Variants in SPC25 observed in about 807,000 individuals in gnomAD.
SPC25 encodes the protein kinetochore protein Spc25.
Under a neutral mutation model 29.6 loss-of-function variants are expected in SPC25, and 22 were observed. The observed-to-expected ratio is 0.74, with a 90% CI of 0.53 to 1.06. SPC25 has a LOEUF of 1.06. Among genes scored for constraint, SPC25 ranks in the 50% least tolerant of loss-of-function variants. The probability of loss-of-function intolerance (pLI) is 0.00; values close to 1 mark genes in which losing one functional copy is unlikely to be tolerated. For missense variants in SPC25, 230 were observed against 255.8 expected, an observed-to-expected ratio of 0.90 and a Z score of 0.69; for synonymous variants, 91 against 90.4, an observed-to-expected ratio of 1.01 and a Z score of -0.04.
intron 3 of SPC25, among the ~76,000 whole-genome samples, chr2:168,886,105 G>A (rs1690257881): frequency 1.4e-5 from 2 of 142,098 alleles, no homozygotes; most frequent in Non-Finnish European, 3.0e-5. Flanking sequence ...CCAGGCTGGA[G>A]TGAAGTGGCA....
At position 168,863,652 on chromosome 2, in the gene SPC25, A is replaced by C. The variant is rs1689631232; in HGVS notation, n.419+9933T>G. ...GGAGTTACATTTTGAATGGGGAGTTACATTTCTGTGCAAAGCTGTGAGTGA... is the reference window on the plus strand; with the variant it reads ...GGAGTTACATTTTGAATGGGGAGTTCCATTTCTGTGCAAAGCTGTGAGTGA... On this transcript the variant is annotated intron_variant and non_coding_transcript_variant, in intron 4 of 4. Transcript: ENST00000479309. 3 of 932,868 alleles carry C rather than the reference A, an allele frequency of 3.2e-6. No homozygotes were observed. In the African/African-American group the frequency reaches 8.0e-5, roughly 25 times the overall value. The allele number at this position is 932,868 out of a possible 1,614,324, so 57.8% of individuals were successfully genotyped here.
At chr2:168,883,313 T>C (rs1690206233) in intron 3 of SPC25, among the ~76,000 whole-genome samples, 1 of 152,184 alleles carries the variant, frequency 6.6e-6, no homozygotes, top group African/African-American at 2.4e-5. Flanking sequence ...TTTTGTTAAA[T>C]ATGGTTCTCA....
rs541332022 is a variant in SPC25 at position 168,873,040 on chromosome 2, C to T, written c.550+545G>A. On this transcript the variant is annotated intron_variant, in intron 6 of 6. Transcript: ENST00000282074. ...TATATTTCTATTCTCTTCTTGTTCACATTATTATCAATGATATATATTCCT... is the reference window on the plus strand; with the variant it reads ...TATATTTCTATTCTCTTCTTGTTCATATTATTATCAATGATATATATTCCT... Among the ~76,000 whole-genome samples, 19 of 152,302 alleles carry T rather than the reference C, an allele frequency of 1.2e-4. No homozygotes were observed. In the South Asian group the frequency reaches 1.7e-3, roughly 13 times the overall value.
At chr2:168,868,867 T>C (rs1301586000), downstream of SPC25, among the ~76,000 whole-genome samples, 1 of 152,202 alleles carries the variant, frequency 6.6e-6, no homozygotes, top group Non-Finnish European at 1.5e-5. Flanking sequence ...GAGGCCAGCA[T>C]CATCCTGATA....
chr2:168,875,884 A>G (rs1210132777), intron 5 of SPC25, among the ~76,000 whole-genome samples, 188 bp downstream of exon 5: 2 of 152,166 alleles, frequency 1.3e-5, no homozygotes, highest in African/African-American at 4.8e-5. Context: ...TTATTAAAAT[A>G]CCGAATGATA....
At chr2:168,886,567 T>G (rs1690267113) in intron 3 of SPC25, among the ~76,000 whole-genome samples, 1 of 151,828 alleles carries the variant, frequency 6.6e-6, no homozygotes, top group Non-Finnish European at 1.5e-5. Flanking sequence ...TCGCCCAGGC[T>G]GCAGTGCAGT....
chr2:168,868,159 G>A (rs1409117058), downstream of SPC25, among the ~76,000 whole-genome samples: 1 of 152,182 alleles, frequency 6.6e-6, no homozygotes, highest in Non-Finnish European at 1.5e-5. Context: ...TAACCAATGA[G>A]AACAAAGACA....
chr2:168,864,431 G>A (rs771678163), intron 4 of SPC25, among the ~76,000 whole-genome samples: 14 of 151,876 alleles, frequency 9.2e-5, no homozygotes, highest in Non-Finnish European at 1.5e-4. Flanking sequence ...TATTACAGGC[G>A]TGCGCCACCA....
At chr2:168,874,032 C>T (rs996426546) in intron 5 of SPC25, among the ~76,000 whole-genome samples, 2 of 151,986 alleles carry the variant, frequency 1.3e-5, no homozygotes, top group African/African-American at 4.8e-5. Context: ...TTTAGAACTC[C>T]TGCAACTAAA....
intron 6 of SPC25, among the ~76,000 whole-genome samples, chr2:168,873,271 A>G (rs1418588022): frequency 6.6e-6 from 1 of 152,174 alleles, no homozygotes; most frequent in East Asian, 1.9e-4. Flanking sequence ...TTAAAGCTTC[A>G]CCTTTTAAAA....
intron 4 of SPC25, 86 bp from the exon 5 acceptor site, chr2:168,876,262 A>G: frequency 1.1e-6 from 1 of 948,676 alleles, no homozygotes; most frequent in Non-Finnish European, 1.5e-6. Flanking sequence ...CTTAAAATCA[A>G]CTATAAAATG....
chr2:168,870,606 A>T (rs1023744913), downstream of SPC25, among the ~76,000 whole-genome samples: 23 of 151,690 alleles, frequency 1.5e-4, 1 homozygote, highest in African/African-American at 5.6e-4. Flanking sequence ...ACATGAAAAA[A>T]TGCTCATCAT....
In SPC25 at chr2:168,865,081, A is replaced by C. The variant is rs918844801; in HGVS notation, n.419+8504T>G. ...CATGTTTTTCTTTTGAAATGGATGG[A>C]GTTCTACCTGCATGTCACAGCACTT... is the stretch of plus-strand genomic sequence containing the variant. On this transcript the variant is annotated intron_variant and non_coding_transcript_variant, in intron 4 of 4. Transcript: ENST00000479309. 6.9e-6 allele frequency: 8 copies of C among 1,160,700 alleles called. No homozygotes were observed. The African/African-American group carries it at 1.2e-4, about 18-fold the overall frequency. The allele number at this position is 1,160,700 out of a possible 1,614,324, so 71.9% of individuals were successfully genotyped here. A position where few individuals can be genotyped will look rare whatever the true frequency, so the allele number is the denominator to read the frequency against.
intron 3 of SPC25, among the ~76,000 whole-genome samples, chr2:168,883,921 C>A (rs954766907): frequency 6.6e-6 from 1 of 152,078 alleles, no homozygotes; most frequent in South Asian, 2.1e-4. Context: ...CAGGCACTCA[C>A]CACCACGCCC....
intron 3 of SPC25, among the ~76,000 whole-genome samples, chr2:168,886,432 TG>T (rs1690263332): frequency 2.0e-5 from 3 of 152,196 alleles, no homozygotes; most frequent in African/African-American, 4.8e-5. Context: ...TATGCACTGT[TG>T]TCTCCTTAGT....
At chr2:168,873,411 T>C (rs1690030137) in intron 6 of SPC25, among the ~76,000 whole-genome samples, 174 bp downstream of exon 6, 1 of 152,178 alleles carries the variant, frequency 6.6e-6, no homozygotes, top group Admixed American at 6.5e-5. Context: ...ACAGTATCTA[T>C]AAATCAAGAC....
intron 3 of SPC25, among the ~76,000 whole-genome samples, chr2:168,882,338 G>A (rs937594442): frequency 6.6e-5 from 10 of 152,222 alleles, no homozygotes; most frequent in African/African-American, 1.7e-4. Context: ...CAGGCATGGC[G>A]GCTCACGCCT....
intron 3 of SPC25, among the ~76,000 whole-genome samples, chr2:168,886,050 C>CTTTT (rs66484575): frequency 1.0e-5 from 1 of 97,072 alleles, no homozygotes; most frequent in Non-Finnish European, 2.0e-5. Context: ...CGAATACAAT[C>CTTTT]TTTTTTTTTT....
At chr2:168,863,481 T>G (rs894670490) in intron 4 of SPC25, 1 of 985,278 alleles carries the variant, frequency 1.0e-6, no homozygotes, top group Admixed American at 6.2e-5. Flanking sequence ...CAGATGATCC[T>G]GAAGGGGGCA....
Sources: gnomAD v4.1 joint callset for allele counts (sites outside exome capture counted in the v4.1 genomes callset) on GRCh38, gnomAD v4.1.1 for gene constraint, MANE v1.5 for transcripts, NCBI Gene and HGNC (gene_info 2026-07-23, HGNC 2026-07-21) for gene names.